MYOG: variants seen among roughly 807,000 people sequenced by gnomAD.
MYOG encodes class C basic helix-loop-helix protein 3.
MYOG carries 6 observed loss-of-function variants against 17.7 expected under a neutral mutation model. The ratio of observed to expected loss-of-function variants is 0.34; its 90% confidence interval spans 0.19 to 0.67. The LOEUF is 0.67. MYOG is among the 30% of genes least tolerant of loss of function. The probability of loss-of-function intolerance (pLI) is 0.69; values close to 1 mark genes in which losing one functional copy is unlikely to be tolerated. For synonymous variants in MYOG, 125 were observed against 130.2 expected, an observed-to-expected ratio of 0.96 and a Z score of 0.27; for missense variants, 272 against 302.0, an observed-to-expected ratio of 0.90 and a Z score of 0.74.
Position 203,083,791 on chromosome 1 carries a change from C to G in MYOG, c.*119G>C, listed in dbSNP as rs1653552338. On this transcript the variant is annotated 3_prime_UTR_variant, in exon 3 of 3. Coordinates refer to ENST00000241651, the MANE Select transcript of MYOG (RefSeq NM_002479.6). ...GAAGGGGATAGTCTGGCCTATGGCA[C>G]CCCAGAGCTGGCTTCCTAGCATCAG... 2.1e-6 allele frequency: 3 copies of G among 1,455,872 alleles called. No individual in the cohort carries two copies. The highest frequency in any genetic ancestry group is 2.8e-6 in the Non-Finnish European group (3 of 1,076,018). The allele number at this position is 1,455,872 out of a possible 1,614,324, so 90.2% of individuals were successfully genotyped here.
chr1:203,085,272 G>A (rs979859257), intron 1 of MYOG, among the ~76,000 whole-genome samples: 3 of 152,124 alleles, frequency 2.0e-5, no homozygotes, highest in Non-Finnish European at 4.4e-5. Context: ...AACCCCTTCT[G>A]CACTTCCTCC....
chr1:203,085,407 A>G, intron 1 of MYOG, 84 bp downstream of exon 1: 1 of 1,287,332 alleles, frequency 7.8e-7, no homozygotes, highest in Non-Finnish European at 1.1e-6. Context: ...CAACCCTCTG[A>G]GCCCCTCTTG....
In MYOG at chr1:203,084,657, G is replaced by A. The variant is rs1263325037; in HGVS notation, c.543C>T (p.Ala181=). Residue 181 remains alanine (A), a synonymous_variant, in exon 2 of 3, where the codon GCC becomes GCT. Coordinates refer to ENST00000241651, the MANE Select transcript of MYOG (RefSeq NM_002479.6). ...TCAGGCCTTACTTACCCCCTGGGTT[G>A]GCGCTGAACTCCAGTGCACTGCCCC... ...PEWGSALEFS[A]NPGDHLLTAD... 6.2e-7 allele frequency: 1 copy of A among 1,610,446 alleles called. No individual in the cohort carries two copies. The highest frequency in any genetic ancestry group is 8.5e-7 in the Non-Finnish European group (1 of 1,178,300).
chr1:203,084,685 T>C lies in MYOG; in HGVS notation c.515A>G (p.Glu172Gly). 6.2e-7 allele frequency: 1 copy of C among 1,611,984 alleles called. No homozygotes were observed. The highest frequency in any genetic ancestry group is 8.5e-7 in the Non-Finnish European group (1 of 1,179,058). The change falls in exon 2 of 3, where the codon GAG (glutamate) becomes GGG (glycine). Residue 172 changes from glutamate (E) to glycine (G), a missense_variant. By Grantham distance (98) the Glu-to-Gly change is moderately conservative (BLOSUM62 -2). Transcript: ENST00000241651. ...GCTGAACTCCAGTGCACTGCCCCAC[T>C]CTGGACTGCAGGAGGCGCTGTGAGA... ...CSSHSASCSP[E>G]WGSALEFSAN...
At chr1:203,084,595 C>T in intron 2 of MYOG, 52 bp downstream of exon 2, 2 of 1,489,424 alleles carry the variant, frequency 1.3e-6, no homozygotes, top group Non-Finnish European at 1.9e-6. Flanking sequence ...GAACCTGGCC[C>T]AGGGAGGGAC....
Position 203,083,595 on chromosome 1 carries a change from T to C in MYOG, c.*315A>G. ...GGGGGTGGAATTAGAGGCCGCGTTA[T>C]GATAAAAAGGAAGCTCCTGAGTTTG... is the stretch of plus-strand genomic sequence containing the variant. On this transcript the variant is annotated 3_prime_UTR_variant, in exon 3 of 3. Transcript: ENST00000241651. 1.1e-5 allele frequency: 6 copies of C among 532,744 alleles called. No homozygotes were observed. The highest frequency in any genetic ancestry group is 2.0e-5 in the Non-Finnish European group (6 of 300,550). The allele number at this position is 532,744 out of a possible 1,614,324, so 33.0% of individuals were successfully genotyped here. A position where few individuals can be genotyped will look rare whatever the true frequency, so the allele number is the denominator to read the frequency against.
chr1:203,083,933 G>T lies in MYOG; in HGVS notation c.652C>A (p.Pro218Thr), dbSNP rs1402121844. The T allele has an allele frequency of 1.9e-6, 3 of 1,591,018 alleles. No homozygotes were observed. Among genetic ancestry groups the T allele is most frequent in the Non-Finnish European group, 2.6e-6 (3 of 1,168,118 alleles). Residue 218 changes from proline to threonine, a missense_variant, in exon 3 of 3, where the codon CCA becomes ACA. Pro to Thr is a conservative substitution (Grantham distance 38, BLOSUM62 -1). Transcript: ENST00000241651. ...TCTCAGTTGGGCATGGTTTCATCTG[G>T]GAAGGCCACAGACACATCTTCCACT... ...ITVEDVSVAF[P>T]DETMPN
rs1571760882 is a variant in MYOG, at chr1:203,083,853, G to T, written c.*57C>A. 1.3e-6 allele frequency: 2 copies of T among 1,562,774 alleles called. No individual in the cohort carries two copies. Among genetic ancestry groups the T allele is most frequent in the Non-Finnish European group, 1.7e-6 (2 of 1,151,908 alleles). ...TTAGGAGGCCCCTGCTACAGAAGTA[G>T]TGGCATCTGTGGCCAGCTTGGGGGG... On this transcript the variant is annotated 3_prime_UTR_variant, in exon 3 of 3. Transcript: ENST00000241651.
In MYOG at chr1:203,085,559, G is replaced by C. The variant is rs1279225281; in HGVS notation, c.403C>G (p.Leu135Val). The C allele has an allele frequency of 3.7e-6, 6 of 1,614,180 alleles. No individual in the cohort carries two copies. The East Asian group carries it at 1.3e-4, about 36-fold the overall frequency. The change falls in exon 1 of 3, where the codon CTG (leucine) becomes GTG (valine). Residue 135 changes from leucine (L) to valine (V), a missense_variant. Coordinates refer to ENST00000241651, the MANE Select transcript of MYOG (RefSeq NM_002479.6). ...TCCTCCTGGTTGAGGGAGCTGAGCA[G>C]GGCCTGGAGGCGCTCGATGTACTGG... is the stretch of plus-strand genomic sequence containing the variant. Reference protein sequence around the residue: ...AIQYIERLQALLSSLNQEERD... With the variant: ...AIQYIERLQAVLSSLNQEERD...
At position 203,084,045 on chromosome 1, in the gene MYOG, TG is replaced by T. The variant is rs1209229720; in HGVS notation, c.554-15del. The T allele has an allele frequency of 1.1e-5, 18 of 1,591,382 alleles. No individual in the cohort carries two copies. The highest frequency in any genetic ancestry group is 1.5e-5 in the Non-Finnish European group (17 of 1,168,878). On this transcript the variant is annotated splice_polypyrimidine_tract_variant and intron_variant, in intron 2 of 2. Coordinates refer to ENST00000241651, the MANE Select transcript of MYOG (RefSeq NM_002479.6). ...TGAGCAGATGATCTGTAAGGGGAGG[TG>T]GGAAGGTGGTACCTGGGTGAGCAGT...
At position 203,083,450 on chromosome 1, in the gene MYOG, T is replaced by C. The variant is rs1428146973; in HGVS notation, c.*460A>G. On this transcript the variant is annotated 3_prime_UTR_variant, in exon 3 of 3. Coordinates refer to ENST00000241651, the MANE Select transcript of MYOG (RefSeq NM_002479.6). ...GAACAGAGGGCTGTTCCTCTCCCCTTCTTCTCTCTCAATTCAGGGCAGGCC... is the reference window on the plus strand; with the variant it reads ...GAACAGAGGGCTGTTCCTCTCCCCTCCTTCTCTCTCAATTCAGGGCAGGCC... 11 of 391,540 alleles carry C rather than the reference T, an allele frequency of 2.8e-5. No individual in the cohort carries two copies. 24.3% of individuals were successfully genotyped at this position (391,540 alleles called of 1,614,324 possible). A position where few individuals can be genotyped will look rare whatever the true frequency, so the allele number is the denominator to read the frequency against.
chr1:203,085,730 C>A lies in MYOG; in HGVS notation c.232G>T (p.Val78Leu). The A allele has an allele frequency of 2.5e-6, 4 of 1,614,138 alleles. No homozygotes were observed. The African/African-American group carries it at 4.0e-5, about 16-fold the overall frequency. Residue 78 changes from valine (V) to leucine (L), a missense_variant, in exon 1 of 3, where the codon GTG becomes TTG. By Grantham distance (32) the Val-to-Leu change is conservative (BLOSUM62 1). Coordinates refer to ENST00000241651, the MANE Select transcript of MYOG (RefSeq NM_002479.6). ...GCCGCCCGCCGCCGGTCCACGGACA[C>A]CGACTTCCTCTTACACACCTTACAC... The part of the protein sequence containing the change: ...WACKVCKRKS[V>L]SVDRRRAATL...
At chr1:203,085,155 C>T in intron 1 of MYOG, among the ~76,000 whole-genome samples, 1 of 152,190 alleles carries the variant, frequency 6.6e-6, no homozygotes, top group Non-Finnish European at 1.5e-5. Context: ...GTGAACTTGG[C>T]CTGGCCTTTT....
intron 2 of MYOG, 54 bp from the exon 3 acceptor site, chr1:203,084,085 G>A (rs1653560456): frequency 6.4e-7 from 1 of 1,568,292 alleles, no homozygotes; most frequent in Non-Finnish European, 8.7e-7. Flanking sequence ...GGTTCTTGAG[G>A]CCCAGAATAG....
chr1:203,084,679 C>T lies in MYOG; in HGVS notation c.521G>A (p.Gly174Asp). The change falls in exon 2 of 3, where the codon GGC becomes GAC. Residue 174 changes from glycine (G) to aspartate (D), a missense_variant. Coordinates refer to ENST00000241651, the MANE Select transcript of MYOG (RefSeq NM_002479.6). Reference protein sequence around the residue: ...SHSASCSPEWGSALEFSANPG... With the variant: ...SHSASCSPEWDSALEFSANPG... ...GTTGGCGCTGAACTCCAGTGCACTG[C>T]CCCACTCTGGACTGCAGGAGGCGCT... is the stretch of plus-strand genomic sequence containing the variant. The T allele has an allele frequency of 1.2e-6, 2 of 1,611,678 alleles. No homozygotes were observed. The highest frequency in any genetic ancestry group is 1.7e-6 in the Non-Finnish European group (2 of 1,178,896).
intron 2 of MYOG, 132 bp from the exon 3 acceptor site, chr1:203,084,163 T>C (rs1270305163): frequency 5.3e-6 from 6 of 1,129,090 alleles, no homozygotes; most frequent in East Asian, 5.2e-5. Flanking sequence ...GGAGTTCTAC[T>C]CCCTAGTCCC....
chr1:203,084,809 G>T (rs1234823314), intron 1 of MYOG, 81 bp from the exon 2 acceptor site: 3 of 1,387,362 alleles, frequency 2.2e-6, no homozygotes, highest in African/African-American at 1.4e-5. Context: ...GTGGGCAGAA[G>T]TACCTGTGGT....
In MYOG at chr1:203,083,275, C is replaced by G. The variant is rs1266605333; in HGVS notation, c.*635G>C. 1 of 168,994 alleles carries G rather than the reference C, an allele frequency of 5.9e-6. No homozygotes were observed. The highest frequency in any genetic ancestry group is 2.4e-5 in the African/African-American group (1 of 42,008). The allele number at this position is 168,994 out of a possible 1,614,324, so 10.5% of individuals were successfully genotyped here. A position where few individuals can be genotyped will look rare whatever the true frequency, so the allele number is the denominator to read the frequency against. The stretch of plus-strand genomic sequence containing the variant: ...GAAATCACCCCCAAGAGGCCCCAAC[C>G]CCTTTTCCCTGCCTGTCCCCGGCAA... On this transcript the variant is annotated 3_prime_UTR_variant, in exon 3 of 3. Transcript: ENST00000241651.
At chr1:203,085,427 G>C (rs556077778) in intron 1 of MYOG, 64 bp downstream of exon 1, 17 of 1,441,190 alleles carry the variant, frequency 1.2e-5, no homozygotes, top group Non-Finnish European at 1.6e-5. Context: ...GGGGTCTTGA[G>C]GCTGTCCAGG....
Sources: allele counts gnomAD v4.1 joint callset (sites outside exome capture counted in the v4.1 genomes callset), GRCh38; gene constraint gnomAD v4.1.1; transcripts MANE v1.5; gene names NCBI Gene and HGNC (gene_info 2026-07-23, HGNC 2026-07-21).